The following NFATC2 variants were observed in gnomAD, a reference collection of about 807,000 sequenced individuals.
NFATC2 encodes the protein nuclear factor of activated T-cells, cytoplasmic 2.
Under a neutral mutation model 87.3 loss-of-function variants are expected in NFATC2, and 22 were observed. That is an observed-to-expected ratio of 0.25 (90% CI 0.18 to 0.36). The LOEUF is 0.36. Among genes scored for constraint, NFATC2 ranks in the 10% least tolerant of loss-of-function variants. NFATC2 has a pLI of 1.00. For missense variants in NFATC2, 1,149 were observed against 1,259.1 expected, an observed-to-expected ratio of 0.91 and a Z score of 1.32; for synonymous variants, 565 against 542.2, an observed-to-expected ratio of 1.04 and a Z score of -0.58.
At chr20:51,419,490 T>C (rs1259234042) in intron 9 of NFATC2, among the ~76,000 whole-genome samples, 1 of 152,130 alleles carries the variant, frequency 6.6e-6, no homozygotes, top group Non-Finnish European at 1.5e-5. Context: ...ATCCTGAGAA[T>C]GGAGAGTGAT....
intron 1 of NFATC2, among the ~76,000 whole-genome samples, chr20:51,558,171 T>A (rs1284292573): frequency 6.6e-6 from 1 of 151,982 alleles, no homozygotes; most frequent in South Asian, 2.1e-4. Flanking sequence ...CAAGACCCCA[T>A]CTCTACAAAC....
chr20:51,561,484 AAAGCAAGCAAGCAAGCAAGC>A (rs377087625), intron 1 of NFATC2, among the ~76,000 whole-genome samples: 987 of 89,940 alleles, frequency 0.011, 8 homozygotes, highest in Non-Finnish European at 0.014. Context: ...AGAAAGAAAG[AAAGCAAGCAAGCAAGCAAGC>A]AAGCAAGCAA....
At position 51,523,387 on chromosome 20, in the gene NFATC2, G is replaced by A. The variant is rs2146721001; in HGVS notation, c.854C>T (p.Pro285Leu). The A allele has an allele frequency of 3.7e-6, 6 of 1,610,618 alleles. No individual in the cohort carries two copies. The highest frequency in any genetic ancestry group is 5.1e-6 in the Non-Finnish European group (6 of 1,178,252). The change falls in exon 2 of 11, where the codon CCC (proline) becomes CTC (leucine). Residue 285 changes from proline to leucine, a missense_variant. Around this residue, in one of 3 missense-constraint regions of NFATC2, gnomAD observed 563 missense variants for 585.2 expected, o/e 0.96. Transcript: ENST00000371564. The surrounding 1 kb of genome is among the most constrained non-coding windows in gnomAD (Gnocchi z 6.9). ...PSPQPSSHVA[P>L]QDHGSPAGYP... ...CCCAGCCGGGGAGCCGTGGTCCTGG[G>A]GTGCCACGTGAGATGAGGGCTGCGG...
intron 3 of NFATC2, among the ~76,000 whole-genome samples, chr20:51,502,475 C>T (rs1600886988): frequency 6.6e-6 from 1 of 152,128 alleles, no homozygotes; most frequent in East Asian, 1.9e-4. Flanking sequence ...CAGGCATGTT[C>T]CACTGCGCCC....
chr20:51,514,353 G>A (rs2076318185), intron 3 of NFATC2, among the ~76,000 whole-genome samples: 1 of 152,232 alleles, frequency 6.6e-6, no homozygotes, highest in Non-Finnish European at 1.5e-5. Context: ...CATTTAATGA[G>A]CAGATTCATT....
rs185913421 is a variant in NFATC2 at position 51,510,046 on chromosome 20, A to G, written c.1332+6738T>C. 1.7e-3 allele frequency among the ~76,000 whole-genome samples: 255 copies of G among 152,280 alleles called. 2 individuals carry two copies. The highest frequency in any genetic ancestry group is 5.8e-3 in the African/African-American group (242 of 41,552). The stretch of plus-strand genomic sequence containing the variant: ...CATGTCTGAACATCTGCTTGAAAGA[A>G]CCAAGAGGACTCTTTGGAGGTGAGT... On this transcript the variant is annotated intron_variant, in intron 3 of 10. Coordinates refer to ENST00000371564, the MANE Select transcript of NFATC2 (RefSeq NM_012340.5).
chr20:51,488,637 C>G (rs1334549003), intron 3 of NFATC2, among the ~76,000 whole-genome samples: 1 of 152,140 alleles, frequency 6.6e-6, no homozygotes, highest in Non-Finnish European at 1.5e-5. Context: ...CCTTGTCCAT[C>G]AGAAAGTGTT....
intron 5 of NFATC2, among the ~76,000 whole-genome samples, chr20:51,466,961 A>G (rs1987746222): frequency 6.6e-6 from 1 of 151,368 alleles, no homozygotes; most frequent in Admixed American, 6.6e-5. Context: ...AATCCCAGCT[A>G]CTCGGGAGGC....
intron 2 of NFATC2, among the ~76,000 whole-genome samples, chr20:51,518,552 C>T (rs6067805): frequency 0.82 from 125,159 of 152,054 alleles, 52,000 homozygotes; most frequent in African/African-American, 0.93. Flanking sequence ...CCCTGCAGTC[C>T]TTTTTTTTGA....
intron 9 of NFATC2, among the ~76,000 whole-genome samples, chr20:51,412,921 GGA>G (rs1420162437): frequency 6.6e-6 from 1 of 151,746 alleles, no homozygotes; most frequent in Non-Finnish European, 1.5e-5. Flanking sequence ...AGAAGGAGAA[GGA>G]GAAGCACAGG....
chr20:51,399,611 A>G (rs978363219), intron 9 of NFATC2, among the ~76,000 whole-genome samples: 2 of 152,236 alleles, frequency 1.3e-5, no homozygotes, highest in Admixed American at 6.5e-5. Context: ...GGATTTCCCA[A>G]TGTTGGGCTC....
chr20:51,445,496 C>T lies in NFATC2; in HGVS notation c.1849+9052G>A, dbSNP rs1451576570. ...GTTAAACTTGGACTGCAGAAAACAA[C>T]GAATACCTTTTTACTGCAAGTATGT... On this transcript the variant is annotated intron_variant, in intron 6 of 10. Coordinates refer to ENST00000371564, the MANE Select transcript of NFATC2 (RefSeq NM_012340.5). Among the ~76,000 whole-genome samples the T allele has an allele frequency of 1.3e-5, 2 of 152,180 alleles. 1 individual carries two copies. The highest frequency in any genetic ancestry group is 1.3e-4 in the Admixed American group (2 of 15,282).
intron 1 of NFATC2, among the ~76,000 whole-genome samples, chr20:51,540,663 T>TTTTTTTTTTTTTTTTTTTTTTTTG (rs1555818354): frequency 7.4e-5 from 10 of 135,768 alleles, no homozygotes; most frequent in East Asian, 4.6e-4. Context: ...TTTTTGTTTT[T>TTTTTTTTTTTTTTTTTTTTTTTTG]TTTTTTTTGA....
chr20:51,412,939 G>A (rs979386668), intron 9 of NFATC2, among the ~76,000 whole-genome samples: 3 of 145,816 alleles, frequency 2.1e-5, no homozygotes, highest in Non-Finnish European at 4.5e-5. Context: ...ACAGGATGAG[G>A]CCGCCGACCC....
intron 9 of NFATC2, among the ~76,000 whole-genome samples, chr20:51,401,733 G>A (rs890063295): frequency 1.3e-5 from 2 of 152,006 alleles, no homozygotes; most frequent in African/African-American, 4.8e-5. Context: ...TTTTACCCCA[G>A]GCATAAACTG....
At chr20:51,408,350 C>T (rs1024749939) in intron 9 of NFATC2, among the ~76,000 whole-genome samples, 1 of 151,876 alleles carries the variant, frequency 6.6e-6, no homozygotes, top group Non-Finnish European at 1.5e-5. Flanking sequence ...CCCATCTCTA[C>T]TAAAAATACA....
intron 2 of NFATC2, among the ~76,000 whole-genome samples, chr20:51,520,976 C>T (rs537905730): frequency 4.6e-5 from 7 of 152,214 alleles, no homozygotes; most frequent in South Asian, 2.1e-4. Flanking sequence ...CTAAGATAGC[C>T]CTGTGAAACT....
chr20:51,562,524 AG>A lies in NFATC2; in HGVS notation c.70+35del. The A allele has an allele frequency of 6.6e-7, 1 of 1,523,220 alleles. No homozygotes were observed. Among genetic ancestry groups the A allele is most frequent in the South Asian group, 1.2e-5 (1 of 82,150 alleles). 94.4% of individuals were successfully genotyped at this position (1,523,220 alleles called of 1,614,324 possible). ...CAGCAGGAAAGGGCCGGGAGGAGCG[AG>A]CGGAAAAGGCTGGAAGGGATCGAGA... On this transcript the variant is annotated intron_variant, in intron 1 of 10. Transcript: ENST00000414705. The surrounding 1 kb of genome is among the most constrained non-coding windows in gnomAD (Gnocchi z 5.8).
chr20:51,487,953 C>T (rs73128888), intron 3 of NFATC2, among the ~76,000 whole-genome samples: 10,669 of 152,146 alleles, frequency 0.07, 497 homozygotes, highest in Middle Eastern at 0.12. Flanking sequence ...GGCGAGACGG[C>T]GCTGAGACGG....
Sources: allele counts gnomAD v4.1 joint callset (sites outside exome capture counted in the v4.1 genomes callset), GRCh38; gene constraint gnomAD v4.1.1; regional missense constraint gnomAD v4.1.1; non-coding constraint Gnocchi (gnomAD v3.1); transcripts MANE v1.5; gene names NCBI Gene and HGNC (gene_info 2026-07-23, HGNC 2026-07-21).